CACUL1: variants seen among roughly 807,000 people sequenced by gnomAD.
CACUL1 encodes the protein CDK2 associated cullin domain 1.
A neutral mutation model predicts 45.2 loss-of-function variants in CACUL1; 13 were observed. The observed-to-expected ratio is 0.29, with a 90% confidence interval of 0.19 to 0.46. The LOEUF is 0.46. Among genes scored for constraint, CACUL1 ranks in the 20% least tolerant of loss-of-function variants. CACUL1 has a pLI of 1.00. For missense variants in CACUL1, 421 were observed against 471.4 expected (o/e 0.89, Z 0.99); for synonymous variants, 197 against 174.2 (o/e 1.13, Z -1.03).
At chr10:118,723,193 TTTC>T (rs1399283397) in intron 3 of CACUL1, among the ~76,000 whole-genome samples, 1 of 152,212 alleles carries the variant, frequency 6.6e-6, no homozygotes, top group East Asian at 1.9e-4. Context: ...TAAAAAATCC[TTTC>T]TTGATTTCTT....
intron 1 of CACUL1, among the ~76,000 whole-genome samples, chr10:118,731,270 T>C (rs1365583342): frequency 6.6e-6 from 1 of 152,204 alleles, no homozygotes; most frequent in African/African-American, 2.4e-5. Flanking sequence ...TTTCACTGTT[T>C]ATTTTACCAG....
At position 118,707,596 on chromosome 10, in the gene CACUL1, AAGAAC is replaced by A; in HGVS notation, c.598-14_598-10del. ...AGATCTGGAGGGCTGGCCTGTGAGA[AAGAAC>A]AGAAGTGTGATCAATCTGGGAAACC... On this transcript the variant is annotated splice_polypyrimidine_tract_variant and intron_variant, in intron 3 of 8. Coordinates refer to ENST00000369151, the MANE Select transcript of CACUL1 (RefSeq NM_153810.5). 1 of 1,344,610 alleles carries A rather than the reference AAGAAC, an allele frequency of 7.4e-7. No homozygotes were observed. Among genetic ancestry groups the A allele is most frequent in the Non-Finnish European group, 1.1e-6 (1 of 942,322 alleles). The allele number at this position is 1,344,610 out of a possible 1,614,324, so 83.3% of individuals were successfully genotyped here.
intron 3 of CACUL1, among the ~76,000 whole-genome samples, chr10:118,719,413 T>C (rs112591053): frequency 0.011 from 1,664 of 152,266 alleles, 20 homozygotes; most frequent in Non-Finnish European, 0.014. Flanking sequence ...TCTAGCTTAT[T>C]CCATGATGTT....
intron 1 of CACUL1, among the ~76,000 whole-genome samples, chr10:118,744,870 G>T (rs1845826691): frequency 6.6e-6 from 1 of 152,014 alleles, no homozygotes; most frequent in Non-Finnish European, 1.5e-5. Flanking sequence ...TGGCCAGGCT[G>T]GTCTCAAACT....
chr10:118,707,738 G>A (rs1175211491), intron 3 of CACUL1, 151 bp from the exon 4 acceptor site: 6 of 517,830 alleles, frequency 1.2e-5, no homozygotes, highest in Non-Finnish European at 1.7e-5. Context: ...ACACTCTGAA[G>A]GTAAGACTTC....
At chr10:118,723,484 A>G (rs967063087) in intron 3 of CACUL1, among the ~76,000 whole-genome samples, 3 of 152,100 alleles carry the variant, frequency 2.0e-5, no homozygotes, top group Non-Finnish European at 4.4e-5. Context: ...TCATTCCTAC[A>G]TATCTTCAAG....
intron 4 of CACUL1, among the ~76,000 whole-genome samples, chr10:118,702,513 A>T (rs1845392663): frequency 1.3e-5 from 2 of 152,128 alleles, no homozygotes; most frequent in South Asian, 4.1e-4. Flanking sequence ...AATCACTTTG[A>T]ATCATGTTTT....
intron 2 of CACUL1, 111 bp downstream of exon 2, chr10:118,730,173 A>G: frequency 8.6e-7 from 1 of 1,164,126 alleles, no homozygotes. Context: ...TAAAACACTT[A>G]CAGAGCCTCA....
At chr10:118,727,619 G>C (rs921676419) in intron 3 of CACUL1, among the ~76,000 whole-genome samples, 1 of 152,162 alleles carries the variant, frequency 6.6e-6, no homozygotes, top group Admixed American at 6.6e-5. Flanking sequence ...TTTAGACTTA[G>C]TAAACGACAT....
intron 3 of CACUL1, among the ~76,000 whole-genome samples, chr10:118,712,728 G>C (rs1178783079): frequency 6.6e-6 from 1 of 152,016 alleles, no homozygotes; most frequent in Non-Finnish European, 1.5e-5. Context: ...GCTCTCAGCA[G>C]AAAACAGGCC....
intron 6 of CACUL1, chr10:118,693,651 G>C: frequency 2.2e-6 from 1 of 447,742 alleles, no homozygotes; most frequent in South Asian, 1.6e-5. Flanking sequence ...TTGTCATACT[G>C]CACTTAGATG....
intron 7 of CACUL1, among the ~76,000 whole-genome samples, chr10:118,690,307 C>CAAAAAAAAAA (rs34414146): frequency 5.7e-5 from 5 of 88,466 alleles, no homozygotes; most frequent in African/African-American, 2.4e-4. Flanking sequence ...GACTCCGTCT[C>CAAAAAAAAAA]AAAAAAAAAA....
rs545872523 is a variant in CACUL1 at position 118,691,366 on chromosome 10, A to G, written c.924T>C (p.Phe308=). The change falls in exon 7 of 9, where the codon TTT becomes TTC. Residue 308 remains phenylalanine, a synonymous_variant. Transcript: ENST00000369151. ...CCGCCGGAGGGAGAATGTTTGGAAT[A>G]AATTTAGAAAATAGAGTTGGAGCCA... ...VQMAPTLFSK[F]IPNILPPAVE... is the part of the protein sequence containing the mutation. The G allele has an allele frequency of 1.2e-4, 198 of 1,613,224 alleles. 1 individual carries two copies. The South Asian group carries it at 2.1e-3, about 17-fold the overall frequency.
At position 118,679,256 on chromosome 10, in the gene CACUL1, C is replaced by A. The variant is rs1203371258; in HGVS notation, c.*6872G>T. 6.6e-6 allele frequency: 1 copy of A among 152,092 alleles called. No individual in the cohort carries two copies. The highest frequency in any genetic ancestry group is 1.9e-4 in the East Asian group (1 of 5,186). The allele number at this position is 152,092 out of a possible 1,614,324, so 9.4% of individuals were successfully genotyped here. On this transcript the variant is annotated 3_prime_UTR_variant, in exon 9 of 9. Transcript: ENST00000369151. ...CTCGCTCTGTTGCTCAGGCCAGAGT[C>A]CAGTGGTGTGACCTTAGCCCACTGT...
chr10:118,744,643 TC>T (rs1845824640), intron 1 of CACUL1, among the ~76,000 whole-genome samples: 2 of 152,294 alleles, frequency 1.3e-5, no homozygotes, highest in African/African-American at 4.8e-5. Flanking sequence ...TACATAAATT[TC>T]ATTCCAAGTT....
At chr10:118,728,234 T>C (rs554514701) in intron 3 of CACUL1, among the ~76,000 whole-genome samples, 206 of 152,142 alleles carry the variant, frequency 1.4e-3, no homozygotes, top group African/African-American at 4.8e-3. Flanking sequence ...CAGCATGTGC[T>C]ATAAACTGTG....
chr10:118,711,783 T>G (rs1845487912), intron 3 of CACUL1, among the ~76,000 whole-genome samples: 1 of 152,240 alleles, frequency 6.6e-6, no homozygotes, highest in Non-Finnish European at 1.5e-5. Flanking sequence ...ACACAGCTTT[T>G]TCTACAAAGT....
rs527539851 is a variant in CACUL1, at chr10:118,680,216, A to C, written c.*5912T>G. On this transcript the variant is annotated 3_prime_UTR_variant, in exon 9 of 9. Coordinates refer to ENST00000369151, the MANE Select transcript of CACUL1 (RefSeq NM_153810.5). ...AATTGAGAAACAGGCCAATCGAAGA[A>C]ATAAAATTCACACATATACACACAC... is the stretch of plus-strand genomic sequence containing the variant. The C allele has an allele frequency of 1.3e-5, 2 of 152,320 alleles. No individual in the cohort carries two copies. Among genetic ancestry groups the C allele is most frequent in the Non-Finnish European group, 2.9e-5 (2 of 68,022 alleles). The allele number at this position is 152,320 out of a possible 1,614,324, so 9.4% of individuals were successfully genotyped here.
At chr10:118,708,826 G>A (rs989251852) in intron 3 of CACUL1, among the ~76,000 whole-genome samples, 5 of 152,104 alleles carry the variant, frequency 3.3e-5, no homozygotes, top group African/African-American at 4.8e-5. Context: ...ACCAGGAACC[G>A]AATAGGAAGC....
Sources: gnomAD v4.1 joint callset for allele counts (sites outside exome capture counted in the v4.1 genomes callset) on GRCh38, gnomAD v4.1.1 for gene constraint, MANE v1.5 for transcripts, NCBI Gene and HGNC (gene_info 2026-07-23, HGNC 2026-07-21) for gene names.